Variants in IL1RAPL1 observed in about 807,000 individuals in gnomAD.
IL1RAPL1 encodes interleukin 1 receptor accessory protein like 1.
A neutral mutation model predicts 48.4 loss-of-function variants in IL1RAPL1; 3 were observed. That is an observed-to-expected ratio of 0.06 (90% CI 0.03 to 0.16). The LOEUF (loss-of-function observed/expected upper bound fraction) is 0.16. Ranked by LOEUF, IL1RAPL1 falls within the 10% of genes least tolerant of loss-of-function variation. The pLI, the probability that IL1RAPL1 is intolerant of heterozygous loss-of-function variation, is 1.00. For missense variants in IL1RAPL1, 349 were observed against 530.6 expected (o/e 0.66, Z 3.36); for synonymous variants, 185 against 187.7 (o/e 0.99, Z 0.12).
At chrX:29,660,685 G>T (rs1288582135) in intron 5 of IL1RAPL1, among the ~76,000 whole-genome samples, 1 of 111,492 alleles carries the variant, frequency 9.0e-6, no homozygotes, top group Non-Finnish European at 1.9e-5. Flanking sequence ...TGTTCCATTG[G>T]TGTATGTGTT....
chrX:29,773,323 G>T (rs949102555), intron 6 of IL1RAPL1, among the ~76,000 whole-genome samples: 2 of 111,599 alleles, frequency 1.8e-5, no homozygotes, highest in Non-Finnish European at 1.9e-5. Context: ...ACTTATTCAA[G>T]AACTGGCTGT....
At chrX:29,252,978 C>T (rs926643202) in intron 2 of IL1RAPL1, among the ~76,000 whole-genome samples, 7 of 110,451 alleles carry the variant, frequency 6.3e-5, no homozygotes, top group Admixed American at 1.9e-4. Context: ...ACTACAATCA[C>T]CAGAAATAAA....
chrX:28,825,801 A>G (rs1936989061), intron 2 of IL1RAPL1, among the ~76,000 whole-genome samples: 1 of 111,635 alleles, frequency 9.0e-6, no homozygotes, highest in African/African-American at 3.2e-5. Context: ...TTTTTTGAAT[A>G]TAGTAGCAGT....
intron 2 of IL1RAPL1, among the ~76,000 whole-genome samples, chrX:28,848,559 G>T (rs2147295598): frequency 9.1e-6 from 1 of 109,990 alleles, no homozygotes; most frequent in Admixed American, 9.7e-5. Context: ...TTCCCTCAGT[G>T]AACTTGTTTA....
intron 6 of IL1RAPL1, among the ~76,000 whole-genome samples, chrX:29,776,864 C>CTAGA (rs202192485): frequency 0.026 from 2,929 of 111,557 alleles, 78 homozygotes; most frequent in African/African-American, 0.091. Flanking sequence ...ATTTAAGCTC[C>CTAGA]TAGATAGCTG....
At chrX:29,904,542 G>T (rs1416867039) in intron 6 of IL1RAPL1, among the ~76,000 whole-genome samples, 1 of 106,778 alleles carries the variant, frequency 9.4e-6, no homozygotes, top group Non-Finnish European at 1.9e-5. Flanking sequence ...ACCCCGACAG[G>T]CCCCAGTGTG....
chrX:28,671,626 G>A (rs1008135124), intron 1 of IL1RAPL1, among the ~76,000 whole-genome samples: 1 of 112,080 alleles, frequency 8.9e-6, no homozygotes, highest in Non-Finnish European at 1.9e-5. Context: ...TATTTTGGCC[G>A]GAGAGATTAA....
chrX:29,288,086 T>A (rs1303295881), intron 3 of IL1RAPL1, among the ~76,000 whole-genome samples: 1 of 112,271 alleles, frequency 8.9e-6, no homozygotes, highest in Non-Finnish European at 1.9e-5. Flanking sequence ...TAATTAATTT[T>A]GAATTAATCT....
intron 6 of IL1RAPL1, among the ~76,000 whole-genome samples, chrX:29,835,898 T>TTTTC (rs751809384): frequency 2.8e-4 from 28 of 101,603 alleles, no homozygotes; most frequent in African/African-American, 1.0e-3. Flanking sequence ...TTTTTTTTTT[T>TTTTC]AGTTAGTTAG....
intron 3 of IL1RAPL1, among the ~76,000 whole-genome samples, chrX:29,334,644 C>T (rs1932952828): frequency 8.9e-6 from 1 of 111,768 alleles, no homozygotes; most frequent in African/African-American, 3.3e-5. Flanking sequence ...GACAGGGTTG[C>T]GGCCCAGCAG....
At chrX:28,643,694 A>G (rs766474855) in intron 1 of IL1RAPL1, among the ~76,000 whole-genome samples, 1 of 112,255 alleles carries the variant, frequency 8.9e-6, no homozygotes, top group South Asian at 3.7e-4. Flanking sequence ...CACTAGTAAT[A>G]AATGTAGATG....
intron 3 of IL1RAPL1, among the ~76,000 whole-genome samples, chrX:29,357,718 G>A (rs1419104176): frequency 1.8e-5 from 2 of 112,028 alleles, no homozygotes; most frequent in Admixed American, 1.9e-4. Context: ...CCTTTCCTCC[G>A]TGTCATAAGG....
rs754451066 is a variant in IL1RAPL1 at position 29,205,744 on chromosome X, A to T, written c.83-77194A>T. On this transcript the variant is annotated intron_variant, in intron 2 of 10. Coordinates refer to ENST00000378993, the MANE Select transcript of IL1RAPL1 (RefSeq NM_014271.4). ...TTATTTTATTTTTTTTATTATTATT[A>T]TTTTTTTTGAGATGGAGTCTCACTC... Among the ~76,000 whole-genome samples, 315 of 108,003 alleles carry T rather than the reference A, an allele frequency of 2.9e-3. 1 individual carries two copies. The highest frequency in any genetic ancestry group is 8.2e-3 in the African/African-American group (243 of 29,785). The allele number at this position is 108,003 out of a possible 115,157, so 93.8% of individuals were successfully genotyped here. A position where few individuals can be genotyped will look rare whatever the true frequency, so the allele number is the denominator to read the frequency against.
At chrX:29,783,061 C>T (rs943363148) in intron 6 of IL1RAPL1, among the ~76,000 whole-genome samples, 8 of 105,141 alleles carry the variant, frequency 7.6e-5, no homozygotes, top group East Asian at 2.9e-4. Context: ...CCTGCCACTA[C>T]GCCCGGCTAA....
chrX:28,705,109 C>T (rs1935360196), intron 1 of IL1RAPL1, among the ~76,000 whole-genome samples: 1 of 111,625 alleles, frequency 9.0e-6, no homozygotes, highest in African/African-American at 3.3e-5. Flanking sequence ...GACGTTGTTA[C>T]AATTCTTTTG....
At chrX:28,720,990 A>G (rs1935568349) in intron 1 of IL1RAPL1, among the ~76,000 whole-genome samples, 1 of 112,245 alleles carries the variant, frequency 8.9e-6, no homozygotes, top group Non-Finnish European at 1.9e-5. Flanking sequence ...AATCCAGTCT[A>G]TCATTGATGG....
At chrX:29,364,943 A>C (rs2147661909) in intron 3 of IL1RAPL1, among the ~76,000 whole-genome samples, 1 of 111,923 alleles carries the variant, frequency 8.9e-6, no homozygotes, top group African/African-American at 3.2e-5. Flanking sequence ...TAGAATTTTA[A>C]TCAGTAAGGT....
chrX:28,640,146 A>G (rs985488656), intron 1 of IL1RAPL1, among the ~76,000 whole-genome samples: 2 of 111,537 alleles, frequency 1.8e-5, no homozygotes, highest in Admixed American at 9.5e-5. Flanking sequence ...ACAGTGCCCA[A>G]ATATTTAGGA....
At chrX:28,711,120 C>T (rs1211431850) in intron 1 of IL1RAPL1, among the ~76,000 whole-genome samples, 2 of 111,937 alleles carry the variant, frequency 1.8e-5, no homozygotes, top group Admixed American at 1.9e-4. Flanking sequence ...GAGGCTGTTG[C>T]GCCAATCCAG....
Sources: gnomAD v4.1 joint callset for allele counts (sites outside exome capture counted in the v4.1 genomes callset) on GRCh38, gnomAD v4.1.1 for gene constraint, MANE v1.5 for transcripts, NCBI Gene and HGNC (gene_info 2026-07-23, HGNC 2026-07-21) for gene names.